The following GPC3 variants were observed in gnomAD, a reference collection of about 807,000 sequenced individuals.
GPC3 encodes the protein glypican 3, also known as glypican-3.
GPC3 carries 3 observed loss-of-function variants against 34.4 expected under a neutral mutation model. That is an observed-to-expected ratio of 0.09 (90% CI 0.04 to 0.23). The LOEUF (loss-of-function observed/expected upper bound fraction) is 0.23. Ranked by LOEUF, GPC3 falls within the 10% of genes least tolerant of loss-of-function variation. The pLI is 1.00. For synonymous variants in GPC3, 177 were observed against 174.0 expected (o/e 1.02, Z -0.13); for missense variants, 351 against 445.6 (o/e 0.79, Z 1.91).
At chrX:133,756,922 G>A (rs1318890377) in intron 2 of GPC3, among the ~76,000 whole-genome samples, 1 of 112,249 alleles carries the variant, frequency 8.9e-6, no homozygotes, top group Non-Finnish European at 1.9e-5. Context: ...AACACTAGGC[G>A]AAAAGCAATG....
chrX:133,936,089 T>C (rs909633845), intron 2 of GPC3, among the ~76,000 whole-genome samples: 1 of 108,059 alleles, frequency 9.3e-6, no homozygotes, highest in Non-Finnish European at 1.9e-5. Context: ...ATTATTATTA[T>C]TATTATCATT....
At chrX:133,961,703 T>G (rs955294941) in intron 1 of GPC3, among the ~76,000 whole-genome samples, 1 of 111,853 alleles carries the variant, frequency 8.9e-6, no homozygotes, top group Non-Finnish European at 1.9e-5. Flanking sequence ...GAAAATGGAC[T>G]CTCAAATTAA....
chrX:133,881,338 C>T (rs1439566849), intron 2 of GPC3, among the ~76,000 whole-genome samples: 3 of 111,798 alleles, frequency 2.7e-5, no homozygotes, highest in African/African-American at 3.2e-5. Flanking sequence ...ATCCACCCTG[C>T]GTGCTCTAAT....
At chrX:133,841,729 G>A (rs761609692) in intron 2 of GPC3, among the ~76,000 whole-genome samples, 10 of 111,895 alleles carry the variant, frequency 8.9e-5, no homozygotes, top group Non-Finnish European at 1.5e-4. Context: ...GTGTCTGTGT[G>A]GGTGTTGCCA....
chrX:133,535,799 A>C lies in GPC3; in HGVS notation c.*325T>G, dbSNP rs2069279721. The C allele has an allele frequency of 3.6e-6, 1 of 276,175 alleles. No individual in the cohort carries two copies. The highest frequency in any genetic ancestry group is 6.4e-6 in the Non-Finnish European group (1 of 155,983). The allele number at this position is 276,175 out of a possible 1,213,427, so 22.8% of individuals were successfully genotyped here. A position where few individuals can be genotyped will look rare whatever the true frequency, so the allele number is the denominator to read the frequency against. ...AAGAAATCCATGCAAAGAGAGAACG[A>C]TAGAAAGGGAGGGAGTGAGAGAGAA... On this transcript the variant is annotated 3_prime_UTR_variant, in exon 8 of 8. Transcript: ENST00000370818.
At chrX:133,963,044 A>C (rs760117393) in intron 1 of GPC3, among the ~76,000 whole-genome samples, 5 of 112,236 alleles carry the variant, frequency 4.5e-5, no homozygotes, top group Non-Finnish European at 9.4e-5. Flanking sequence ...GCCCATTCTC[A>C]ACCGGGCATT....
intron 6 of GPC3, among the ~76,000 whole-genome samples, chrX:133,613,036 C>G (rs751880739): frequency 9.0e-6 from 1 of 111,208 alleles, no homozygotes; most frequent in Non-Finnish European, 1.9e-5. Flanking sequence ...TCTAGTTCTC[C>G]TATCTTCAAA....
chrX:133,820,122 C>T (rs2075712123), intron 2 of GPC3, among the ~76,000 whole-genome samples: 1 of 111,695 alleles, frequency 9.0e-6, no homozygotes, highest in Non-Finnish European at 1.9e-5. Flanking sequence ...TCAGGAAATG[C>T]TTAGAAACCA....
chrX:133,735,612 T>A (rs1477774717), intron 3 of GPC3, among the ~76,000 whole-genome samples: 1 of 111,579 alleles, frequency 9.0e-6, no homozygotes, highest in Non-Finnish European at 1.9e-5. Context: ...AAAATCATAA[T>A]TTTTGAGTTA....
intron 6 of GPC3, among the ~76,000 whole-genome samples, chrX:133,629,277 T>C (rs929687508): frequency 1.8e-5 from 2 of 112,080 alleles, no homozygotes; most frequent in African/African-American, 6.5e-5. Flanking sequence ...TCTTTGAGTA[T>C]TGGGGGAAAT....
chrX:133,730,208 G>A (rs1422456072), intron 3 of GPC3, among the ~76,000 whole-genome samples: 1 of 111,625 alleles, frequency 9.0e-6, no homozygotes, highest in Non-Finnish European at 1.9e-5. Flanking sequence ...ACAATGATTT[G>A]CATCTCACAT....
chrX:133,792,117 G>T (rs2072171401), intron 2 of GPC3, among the ~76,000 whole-genome samples: 1 of 109,491 alleles, frequency 9.1e-6, no homozygotes, highest in Non-Finnish European at 1.9e-5. Flanking sequence ...GGCCTCAAGG[G>T]ATTCACTCAC....
intron 3 of GPC3, among the ~76,000 whole-genome samples, chrX:133,720,674 A>G (rs1184256557): frequency 8.9e-6 from 1 of 112,072 alleles, no homozygotes; most frequent in African/African-American, 3.2e-5. Context: ...TAAAGAAAAT[A>G]TGATATATAT....
chrX:133,899,708 T>C (rs903451505), intron 2 of GPC3, among the ~76,000 whole-genome samples: 1 of 111,711 alleles, frequency 9.0e-6, no homozygotes, highest in Admixed American at 9.5e-5. Context: ...GATTCCAAGT[T>C]TCCCACCAGC....
intron 2 of GPC3, among the ~76,000 whole-genome samples, chrX:133,790,552 A>C (rs929207987): frequency 8.9e-6 from 1 of 111,769 alleles, no homozygotes; most frequent in Non-Finnish European, 1.9e-5. Flanking sequence ...TTTGCTGCAA[A>C]GTTCCTTACT....
intron 2 of GPC3, among the ~76,000 whole-genome samples, chrX:133,773,949 A>G (rs1416534661): frequency 8.9e-6 from 1 of 111,997 alleles, no homozygotes; most frequent in Non-Finnish European, 1.9e-5. Context: ...ATTTCTCCAT[A>G]GTTACTAGTT....
At chrX:133,643,831 G>GTTTTTTTTTTTTTTTTTT (rs778326133) in intron 6 of GPC3, among the ~76,000 whole-genome samples, 2 of 97,015 alleles carry the variant, frequency 2.1e-5, no homozygotes, top group African/African-American at 8.0e-5. Context: ...TTGTTTTTAT[G>GTTTTTTTTTTTTTTTTTT]TTTTTTTTTT....
At chrX:133,584,482 T>G (rs2124316206) in intron 7 of GPC3, among the ~76,000 whole-genome samples, 1 of 112,062 alleles carries the variant, frequency 8.9e-6, no homozygotes, top group South Asian at 3.8e-4. Flanking sequence ...TACTCCATTT[T>G]TGTTTTTTCT....
At chrX:133,865,096 T>C (rs745528512) in intron 2 of GPC3, among the ~76,000 whole-genome samples, 1 of 112,245 alleles carries the variant, frequency 8.9e-6, no homozygotes, top group East Asian at 2.8e-4. Flanking sequence ...GTTCCTTCAA[T>C]AAAATGCAAT....
Sources: allele counts gnomAD v4.1 joint callset (sites outside exome capture counted in the v4.1 genomes callset), GRCh38; gene constraint gnomAD v4.1.1; transcripts MANE v1.5; gene names NCBI Gene and HGNC (gene_info 2026-07-23, HGNC 2026-07-21).